Variants in RBFOX1 observed in about 807,000 individuals in gnomAD.
The protein encoded by RBFOX1 is RNA binding fox-1 homolog 1.
In RBFOX1, 8 loss-of-function variants were observed where a neutral mutation model predicts 57.7. That is an observed-to-expected ratio of 0.14 (90% CI 0.08 to 0.25). The LOEUF is 0.25. RBFOX1 is among the 10% of genes least tolerant of loss of function. The pLI, the probability that RBFOX1 is intolerant of heterozygous loss-of-function variation, is 1.00. For synonymous variants in RBFOX1, 326 were observed against 222.4 expected, an observed-to-expected ratio of 1.47 and a Z score of -4.15; for missense variants, 611 against 548.5, an observed-to-expected ratio of 1.11 and a Z score of -1.14.
chr16:6,368,510 C>A (rs2089988207), intron 2 of RBFOX1, among the ~76,000 whole-genome samples: 1 of 152,210 alleles, frequency 6.6e-6, no homozygotes, highest in Admixed American at 6.5e-5. Flanking sequence ...ACCTCTGCAT[C>A]CACATCTCCT....
intron 1 of RBFOX1, among the ~76,000 whole-genome samples, chr16:6,155,580 C>T (rs1201046330): frequency 2.6e-5 from 4 of 152,316 alleles, no homozygotes; most frequent in Middle Eastern, 3.4e-3. Flanking sequence ...GAAGGCATTG[C>T]CGTCTGCTGG....
At chr16:6,740,797 A>G (rs1290996835) in intron 3 of RBFOX1, among the ~76,000 whole-genome samples, 1 of 152,214 alleles carries the variant, frequency 6.6e-6, no homozygotes, top group East Asian at 1.9e-4. Flanking sequence ...TTTCTGCTCA[A>G]ATTGATACAC....
At chr16:7,325,175 C>T (rs1366784575) in intron 4 of RBFOX1, among the ~76,000 whole-genome samples, 1 of 152,316 alleles carries the variant, frequency 6.6e-6, no homozygotes, top group East Asian at 1.9e-4. Context: ...CAGCCATTTA[C>T]TGAGTGTTTG....
At chr16:6,256,251 ATATAT>A (rs1567788711) in intron 1 of RBFOX1, among the ~76,000 whole-genome samples, 8 of 112,048 alleles carry the variant, frequency 7.1e-5, no homozygotes, top group African/African-American at 3.3e-4. Context: ...ATATATGTAT[ATATAT>A]GTGTATATAT....
chr16:7,569,430 G>C (rs1201058579), intron 5 of RBFOX1, among the ~76,000 whole-genome samples: 1 of 152,140 alleles, frequency 6.6e-6, no homozygotes, highest in Non-Finnish European at 1.5e-5. Flanking sequence ...ATGGTGGGTT[G>C]AGTTTTTCTC....
chr16:6,374,152 T>C (rs1317850544), intron 2 of RBFOX1, among the ~76,000 whole-genome samples: 2 of 152,214 alleles, frequency 1.3e-5, no homozygotes, highest in East Asian at 3.9e-4. Flanking sequence ...ACTTGATTCA[T>C]TGTCTCTGGA....
chr16:5,268,625 C>G (rs1408669317), intron 1 of RBFOX1, among the ~76,000 whole-genome samples: 1 of 152,192 alleles, frequency 6.6e-6, no homozygotes, highest in Non-Finnish European at 1.5e-5. Flanking sequence ...GCCATTTGCA[C>G]TGGGAGCCAT....
chr16:6,900,126 T>G (rs1300981972), intron 3 of RBFOX1, among the ~76,000 whole-genome samples: 3 of 151,462 alleles, frequency 2.0e-5, no homozygotes, highest in African/African-American at 7.4e-5. Flanking sequence ...TTTGAGTTTT[T>G]CTTTAGTTAT....
At chr16:6,605,810 T>A (rs1051385431) in intron 2 of RBFOX1, among the ~76,000 whole-genome samples, 1 of 152,150 alleles carries the variant, frequency 6.6e-6, no homozygotes, top group African/African-American at 2.4e-5. Flanking sequence ...ACTTGAAATA[T>A]GCATCCTGGC....
intron 3 of RBFOX1, among the ~76,000 whole-genome samples, chr16:7,014,876 C>G (rs1437747250): frequency 5.9e-5 from 9 of 152,014 alleles, no homozygotes; most frequent in Non-Finnish European, 1.5e-5. Context: ...AGGCATGTGC[C>G]ACCACACCCG....
chr16:6,594,614 C>G (rs1461031907), intron 2 of RBFOX1, among the ~76,000 whole-genome samples: 1 of 152,108 alleles, frequency 6.6e-6, no homozygotes, highest in Non-Finnish European at 1.5e-5. Context: ...ATTATTTAAA[C>G]TACTTGGGCT....
At chr16:5,907,399 A>T (rs118087209) in intron 4 of RBFOX1, among the ~76,000 whole-genome samples, 5,269 of 152,092 alleles carry the variant, frequency 0.035, 149 homozygotes, top group Non-Finnish European at 0.053. Context: ...ATTCTCCCAG[A>T]GTCATGCTGC....
At position 5,322,636 on chromosome 16, in the gene RBFOX1, A is replaced by G. The variant is rs1187425877; in HGVS notation, c.219+82531A>G. On this transcript the variant is annotated intron_variant, in intron 1 of 2. Transcript: ENST00000585867. Reference sequence around the variant, plus strand: ...AGAGCAAGGGGACACTGGAGCCCCCAGTCTTCCCCATCCTTCAAGGGTCAG... The same window carrying G: ...AGAGCAAGGGGACACTGGAGCCCCCGGTCTTCCCCATCCTTCAAGGGTCAG... Among the ~76,000 whole-genome samples the G allele has an allele frequency of 3.3e-5, 5 of 152,162 alleles. No individual in the cohort carries two copies. In the East Asian group the frequency reaches 9.6e-4, roughly 29 times the overall value.
intron 3 of RBFOX1, among the ~76,000 whole-genome samples, chr16:5,826,506 T>C (rs1337433820): frequency 6.6e-6 from 1 of 152,226 alleles, no homozygotes; most frequent in Non-Finnish European, 1.5e-5. Context: ...ATGACTCAAC[T>C]CTACCATTTG....
Position 7,709,543 on chromosome 16 carries a change from C to G in RBFOX1, c.1071+412C>G, listed in dbSNP as rs182614592. The stretch of plus-strand genomic sequence containing the variant: ...GACTTCAGAGGAGCTAAGCTGCACA[C>G]TTCCAGGCCTCTGCTGTCAGGCAGC... On this transcript the variant is annotated intron_variant, in intron 15 of 15. Coordinates refer to ENST00000550418, the MANE Select transcript of RBFOX1 (RefSeq NM_018723.4). 29 of 1,532,960 alleles carry G rather than the reference C, an allele frequency of 1.9e-5. No homozygotes were observed. The Admixed American group carries it at 2.7e-4, about 15-fold the overall frequency. The allele number at this position is 1,532,960 out of a possible 1,614,324, so 95.0% of individuals were successfully genotyped here.
At chr16:7,223,157 G>C (rs577087180) in intron 4 of RBFOX1, among the ~76,000 whole-genome samples, 50 of 152,198 alleles carry the variant, frequency 3.3e-4, no homozygotes, top group Admixed American at 5.9e-4. Flanking sequence ...CTGAAGCGAA[G>C]GGTTGACCAG....
intron 1 of RBFOX1, among the ~76,000 whole-genome samples, chr16:6,203,802 A>G (rs2097233578): frequency 6.6e-6 from 1 of 152,164 alleles, no homozygotes; most frequent in Admixed American, 6.5e-5. Flanking sequence ...AGGTGGCTCA[A>G]AAACTTAAAA....
intron 4 of RBFOX1, among the ~76,000 whole-genome samples, chr16:7,252,723 C>A (rs971504006): frequency 3.3e-5 from 5 of 150,862 alleles, no homozygotes; most frequent in Admixed American, 6.6e-5. Context: ...ATTTGAGTCA[C>A]CCAACGCTAA....
At chr16:7,202,078 C>G (rs2088672655) in intron 4 of RBFOX1, among the ~76,000 whole-genome samples, 4 of 151,838 alleles carry the variant, frequency 2.6e-5, no homozygotes, top group Admixed American at 1.3e-4. Flanking sequence ...TAACTGTCTC[C>G]AAAAATCAAT....
Sources: allele counts gnomAD v4.1 joint callset (sites outside exome capture counted in the v4.1 genomes callset), GRCh38; gene constraint gnomAD v4.1.1; transcripts MANE v1.5; gene names NCBI Gene and HGNC (gene_info 2026-07-23, HGNC 2026-07-21).